Variants in PLCL1 observed in about 807,000 individuals in gnomAD.
PLCL1 encodes phospholipase C like 1 (inactive).
In PLCL1, 41 loss-of-function variants were observed where a neutral mutation model predicts 84.4. The ratio of observed to expected loss-of-function variants is 0.49; its 90% CI spans 0.38 to 0.63. PLCL1 has a LOEUF of 0.63. Among genes scored for constraint, PLCL1 ranks in the 30% least tolerant of loss-of-function variants. The probability of loss-of-function intolerance (pLI) is 0.00; values close to 1 mark genes in which losing one functional copy is unlikely to be tolerated. For missense variants in PLCL1, 1,206 were observed against 1,367.8 expected, an observed-to-expected ratio of 0.88 and a Z score of 1.87; for synonymous variants, 490 against 488.3, an observed-to-expected ratio of 1.00 and a Z score of -0.05.
chr2:197,983,438 G>A (rs1690159833), intron 1 of PLCL1, among the ~76,000 whole-genome samples: 1 of 151,802 alleles, frequency 6.6e-6, no homozygotes. Context: ...TCCCTGGGTT[G>A]CCCAGGTTGG....
At position 197,865,340 on chromosome 2, in the gene PLCL1, G is replaced by A. The variant is rs1346864154; in HGVS notation, c.240+60001G>A. ...ACTGAAGAAATTTCACTAGATTCCAGCTCACCTTTCCAAACTATTAAAAGC... is the reference window on the plus strand; with the variant it reads ...ACTGAAGAAATTTCACTAGATTCCAACTCACCTTTCCAAACTATTAAAAGC... On this transcript the variant is annotated intron_variant, in intron 1 of 5. Transcript: ENST00000428675. 2.6e-5 allele frequency among the ~76,000 whole-genome samples: 4 copies of A among 152,130 alleles called. No individual in the cohort carries two copies. In the East Asian group the frequency reaches 5.8e-4, roughly 22 times the overall value.
intron 1 of PLCL1, among the ~76,000 whole-genome samples, chr2:197,874,810 T>C (rs953530345): frequency 6.6e-6 from 1 of 152,180 alleles, no homozygotes; most frequent in African/African-American, 2.4e-5. Flanking sequence ...TGTAATTTTA[T>C]CTATTTAACT....
At chr2:198,075,027 G>A (rs931815707) in intron 1 of PLCL1, among the ~76,000 whole-genome samples, 1 of 152,150 alleles carries the variant, frequency 6.6e-6, no homozygotes, top group African/African-American at 2.4e-5. Flanking sequence ...GGTATTAAAG[G>A]TATACATTTA....
intron 5 of PLCL1, among the ~76,000 whole-genome samples, chr2:198,120,614 C>G (rs142785806): frequency 0.087 from 13,154 of 152,014 alleles, 736 homozygotes; most frequent in Middle Eastern, 0.22. Context: ...AACACAATGA[C>G]CTCCAGTTCC....
chr2:197,968,677 C>T (rs1322523277), intron 1 of PLCL1, among the ~76,000 whole-genome samples: 1 of 152,160 alleles, frequency 6.6e-6, no homozygotes, highest in Non-Finnish European at 1.5e-5. Context: ...CTCAACAAAG[C>T]AGTCTCTCAA....
At chr2:198,080,898 A>T (rs1692695863) in intron 1 of PLCL1, among the ~76,000 whole-genome samples, 1 of 152,218 alleles carries the variant, frequency 6.6e-6, no homozygotes, top group African/African-American at 2.4e-5. Context: ...AATAAGCATT[A>T]TGGGCAGGTG....
intron 1 of PLCL1, among the ~76,000 whole-genome samples, chr2:197,922,637 G>A (rs1488167004): frequency 1.0e-4 from 15 of 144,360 alleles, no homozygotes; most frequent in South Asian, 6.8e-4. Flanking sequence ...TGGCCGGGCA[G>A]GGGGCTGACC....
At chr2:197,943,016 G>T (rs1689191195) in intron 1 of PLCL1, among the ~76,000 whole-genome samples, 1 of 151,960 alleles carries the variant, frequency 6.6e-6, no homozygotes, top group Non-Finnish European at 1.5e-5. Flanking sequence ...AGAACAGCCT[G>T]GGCAGTATAG....
chr2:198,147,040 T>A lies in PLCL1; in HGVS notation c.*78T>A. 7.9e-7 allele frequency: 1 copy of A among 1,270,874 alleles called. No individual in the cohort carries two copies. The highest frequency in any genetic ancestry group is 1.1e-6 in the Non-Finnish European group (1 of 935,268). 78.7% of individuals were successfully genotyped at this position (1,270,874 alleles called of 1,614,324 possible). ...ATTCTTGTTTTCTTTCTTTAAATGTTTTATAAGTTCACAAAATGGTGCCCT... is the reference window on the plus strand; with the variant it reads ...ATTCTTGTTTTCTTTCTTTAAATGTATTATAAGTTCACAAAATGGTGCCCT... On this transcript the variant is annotated 3_prime_UTR_variant, in exon 6 of 6. Coordinates refer to ENST00000428675, the MANE Select transcript of PLCL1 (RefSeq NM_006226.4).
intron 1 of PLCL1, among the ~76,000 whole-genome samples, chr2:198,070,383 T>C (rs561387140): frequency 3.3e-5 from 5 of 152,198 alleles, no homozygotes; most frequent in Admixed American, 3.3e-4. Flanking sequence ...ACCTTAGAGG[T>C]AGAAAAAATT....
At chr2:198,140,369 T>G (rs150884849) in intron 5 of PLCL1, among the ~76,000 whole-genome samples, 138 of 152,276 alleles carry the variant, frequency 9.1e-4, no homozygotes, top group Non-Finnish European at 1.7e-3. Flanking sequence ...TACAAGAACA[T>G]AAAATTGTCT....
At chr2:198,044,385 G>A (rs1207380418) in intron 1 of PLCL1, among the ~76,000 whole-genome samples, 13 of 152,116 alleles carry the variant, frequency 8.5e-5, no homozygotes, top group Non-Finnish European at 1.8e-4. Flanking sequence ...TATGGCAGAT[G>A]GTGTGTTGCA....
At chr2:198,021,567 C>T (rs886968300) in intron 1 of PLCL1, among the ~76,000 whole-genome samples, 2 of 152,098 alleles carry the variant, frequency 1.3e-5, no homozygotes, top group Non-Finnish European at 2.9e-5. Flanking sequence ...GGGAGATCAC[C>T]ACTGGTCCCA....
In PLCL1 at chr2:197,960,605, A is replaced by G. The variant is rs141420071; in HGVS notation, c.241-123153A>G. On this transcript the variant is annotated intron_variant, in intron 1 of 5. Coordinates refer to ENST00000428675, the MANE Select transcript of PLCL1 (RefSeq NM_006226.4). ...AAAAGATGAAACCAAGGGACACTGT[A>G]TAGTCTGAAAGCTGCAGAAGGGAAA... Among the ~76,000 whole-genome samples the G allele has an allele frequency of 1.4e-3, 212 of 152,248 alleles. 1 individual carries two copies. The highest frequency in any genetic ancestry group is 4.5e-3 in the African/African-American group (187 of 41,560).
Position 197,804,924 on chromosome 2 carries a change from G to A in PLCL1, c.-176G>A. On this transcript the variant is annotated 5_prime_UTR_variant, in exon 1 of 6. It removes an upstream start codon present in the reference 5' UTR. Coordinates refer to ENST00000428675, the MANE Select transcript of PLCL1 (RefSeq NM_006226.4). ...CCGAGGACGTCTCTGCCCGAGCGAT[G>A]TCCCCTCTCCAGAAAGTTGCCGCCG... 4.9e-6 allele frequency: 3 copies of A among 612,380 alleles called. No individual in the cohort carries two copies. The highest frequency in any genetic ancestry group is 4.5e-4 in the Middle Eastern group (1 of 2,226). 37.9% of individuals were successfully genotyped at this position (612,380 alleles called of 1,614,324 possible). A position where few individuals can be genotyped will look rare whatever the true frequency, so the allele number is the denominator to read the frequency against.
Position 197,887,906 on chromosome 2 carries a change from C to T in PLCL1, c.240+82567C>T, listed in dbSNP as rs372197265. On this transcript the variant is annotated intron_variant, in intron 1 of 5. Coordinates refer to ENST00000428675, the MANE Select transcript of PLCL1 (RefSeq NM_006226.4). ...ATCACTTGAGCTCAGGAGTTCGAGACCAGCCTGGGCAACATAGTGAGACCC... is the reference window on the plus strand; with the variant it reads ...ATCACTTGAGCTCAGGAGTTCGAGATCAGCCTGGGCAACATAGTGAGACCC... Among the ~76,000 whole-genome samples the T allele has an allele frequency of 7.2e-4, 109 of 152,148 alleles. 3 individuals carry two copies. The South Asian group carries it at 0.022, about 31-fold the overall frequency.
intron 5 of PLCL1, among the ~76,000 whole-genome samples, chr2:198,113,192 AC>A (rs1308492535): frequency 6.6e-6 from 1 of 151,904 alleles, no homozygotes; most frequent in Non-Finnish European, 1.5e-5. Flanking sequence ...CTTCTCTCCC[AC>A]CTCAAGAAGG....
At chr2:197,893,449 G>A (rs1215890936) in intron 1 of PLCL1, among the ~76,000 whole-genome samples, 1 of 152,212 alleles carries the variant, frequency 6.6e-6, no homozygotes. Flanking sequence ...CATTCAAGGA[G>A]TATACAACTT....
chr2:197,841,042 T>C (rs1213551610), intron 1 of PLCL1, among the ~76,000 whole-genome samples: 1 of 152,198 alleles, frequency 6.6e-6, no homozygotes, highest in Non-Finnish European at 1.5e-5. Context: ...AGAGAAGTTT[T>C]AGATTTACAG....
Sources: allele counts gnomAD v4.1 joint callset (sites outside exome capture counted in the v4.1 genomes callset), GRCh38; gene constraint gnomAD v4.1.1; transcripts MANE v1.5; gene names NCBI Gene and HGNC (gene_info 2026-07-23, HGNC 2026-07-21).